The following MAPRE2 variants were observed in gnomAD, a reference collection of about 807,000 sequenced individuals.
The protein encoded by MAPRE2 is microtubule-associated protein RP/EB family member 2.
A neutral mutation model predicts 43.2 loss-of-function variants in MAPRE2; 13 were observed. The observed-to-expected ratio is 0.30, with a 90% CI of 0.20 to 0.48. The LOEUF (loss-of-function observed/expected upper bound fraction) is 0.48, where lower values mean the gene tolerates loss of function less well. Among genes scored for constraint, MAPRE2 ranks in the 20% least tolerant of loss-of-function variants. MAPRE2 has a pLI of 0.99. For missense variants in MAPRE2, 161 were observed against 400.2 expected (o/e 0.40, Z 5.10); for synonymous variants, 135 against 148.8 (o/e 0.91, Z 0.68).
chr18:35,055,566 T>C (rs1363548569), intron 1 of MAPRE2, among the ~76,000 whole-genome samples: 1 of 130,886 alleles, frequency 7.6e-6, no homozygotes, highest in Non-Finnish European at 1.7e-5. Context: ...TGTGTGTGTA[T>C]GTGTGTGTGT....
intron 2 of MAPRE2, among the ~76,000 whole-genome samples, chr18:35,084,261 G>A (rs1419843438): frequency 1.3e-5 from 2 of 152,020 alleles, no homozygotes; most frequent in Non-Finnish European, 2.9e-5. Flanking sequence ...GTGACAGAGT[G>A]AGACTCCATC....
chr18:35,039,884 T>C (rs2097052675), upstream of MAPRE2, among the ~76,000 whole-genome samples: 2 of 152,176 alleles, frequency 1.3e-5, no homozygotes, highest in Admixed American at 1.3e-4. Flanking sequence ...CTATAAAAGG[T>C]CAGAGACCAC....
At chr18:35,021,752 T>G (rs2097042053) in intron 2 of MAPRE2, among the ~76,000 whole-genome samples, 1 of 151,904 alleles carries the variant, frequency 6.6e-6, no homozygotes, top group Admixed American at 6.6e-5. Flanking sequence ...ATTAGAGAAA[T>G]AGAAGAATGA....
intron 1 of MAPRE2, among the ~76,000 whole-genome samples, chr18:35,048,141 G>A (rs918494415): frequency 2.6e-5 from 4 of 152,186 alleles, no homozygotes; most frequent in Non-Finnish European, 4.4e-5. Context: ...ATGGTGGAAG[G>A]CGAAGCGGGA....
At chr18:35,127,281 A>C in intron 5 of MAPRE2, 194 bp downstream of exon 5, 1 of 577,092 alleles carries the variant, frequency 1.7e-6, no homozygotes, top group South Asian at 2.2e-5. Flanking sequence ...TTAGTCACAA[A>C]TCTCAAAGCT....
chr18:34,999,744 A>G (rs1427356093), intron 1 of MAPRE2, among the ~76,000 whole-genome samples: 2 of 152,184 alleles, frequency 1.3e-5, no homozygotes. Context: ...TACCAGACTT[A>G]ACCCAAGATT....
At chr18:34,986,407 C>T (rs908672494) in intron 1 of MAPRE2, among the ~76,000 whole-genome samples, 1 of 152,162 alleles carries the variant, frequency 6.6e-6, no homozygotes, top group African/African-American at 2.4e-5. Flanking sequence ...GCAGCTTCAG[C>T]TCTCCATAAA....
intron 1 of MAPRE2, among the ~76,000 whole-genome samples, chr18:35,001,342 A>C (rs1410508318): frequency 6.6e-6 from 1 of 152,056 alleles, no homozygotes; most frequent in Non-Finnish European, 1.5e-5. Flanking sequence ...GTGAAACCCC[A>C]TCACTACTAA....
intron 2 of MAPRE2, among the ~76,000 whole-genome samples, chr18:35,074,882 C>T (rs929532876): frequency 1.3e-5 from 2 of 152,060 alleles, no homozygotes; most frequent in African/African-American, 4.8e-5. Flanking sequence ...CTGTCTGTCA[C>T]TGAAAGCTGT....
intron 5 of MAPRE2, 122 bp from the exon 6 acceptor site, chr18:35,131,910 A>G: frequency 1.0e-6 from 1 of 984,242 alleles, no homozygotes. Flanking sequence ...CCTCAGACTT[A>G]CACATTGGTT....
At chr18:35,136,173 A>G (rs146770048) in intron 6 of MAPRE2, among the ~76,000 whole-genome samples, 30 of 152,294 alleles carry the variant, frequency 2.0e-4, no homozygotes, top group African/African-American at 7.0e-4. Context: ...CAGAGCAGAT[A>G]CTTATTCTCA....
chr18:35,132,501 A>G (rs1368321399), intron 6 of MAPRE2, among the ~76,000 whole-genome samples: 7 of 152,240 alleles, frequency 4.6e-5, no homozygotes, highest in African/African-American at 1.7e-4. Context: ...AGCATTAAGA[A>G]TTTGTATACG....
intron 4 of MAPRE2, 116 bp from the exon 5 acceptor site, chr18:35,126,832 A>C (rs956159431): frequency 3.7e-6 from 3 of 809,988 alleles, no homozygotes; most frequent in Non-Finnish European, 6.0e-6. Context: ...GGAAGGGATC[A>C]CTGGAGGTAT....
chr18:35,008,703 G>A (rs1264823580), intron 2 of MAPRE2, among the ~76,000 whole-genome samples: 1 of 151,990 alleles, frequency 6.6e-6, no homozygotes, highest in Non-Finnish European at 1.5e-5. Flanking sequence ...GTTTCGTTTG[G>A]TTTGTGTCTA....
chr18:34,999,633 C>A (rs150105936), intron 1 of MAPRE2, among the ~76,000 whole-genome samples: 60 of 152,262 alleles, frequency 3.9e-4, no homozygotes, highest in Non-Finnish European at 1.2e-4. Context: ...ATATATACCA[C>A]CCAAATCCAT....
intron 1 of MAPRE2, among the ~76,000 whole-genome samples, chr18:35,053,653 A>C (rs1321969747): frequency 6.6e-6 from 1 of 152,134 alleles, no homozygotes; most frequent in Non-Finnish European, 1.5e-5. Flanking sequence ...TATTAAATTT[A>C]AGAGGAAAGT....
intron 1 of MAPRE2, among the ~76,000 whole-genome samples, chr18:35,049,314 C>A (rs973273663): frequency 9.2e-5 from 14 of 152,182 alleles, no homozygotes; most frequent in Admixed American, 2.6e-4. Flanking sequence ...CTCCTTCCCC[C>A]ACTCCCTCAC....
At chr18:35,131,793 C>G in intron 5 of MAPRE2, 1 of 501,794 alleles carries the variant, frequency 2.0e-6, no homozygotes. Context: ...CCACTCTGTC[C>G]CTGGTTAATA....
intron 4 of MAPRE2, among the ~76,000 whole-genome samples, chr18:35,117,245 C>T (rs908509557): frequency 6.6e-6 from 1 of 152,208 alleles, no homozygotes; most frequent in East Asian, 1.9e-4. Context: ...GCCTGGTGAG[C>T]ATGGGGCTCA....
Sources: allele counts gnomAD v4.1 joint callset (sites outside exome capture counted in the v4.1 genomes callset), GRCh38; gene constraint gnomAD v4.1.1; transcripts MANE v1.5; gene names NCBI Gene and HGNC (gene_info 2026-07-23, HGNC 2026-07-21).